MEOX2: variants seen among roughly 807,000 people sequenced by gnomAD.
MEOX2 encodes the protein mesenchyme homeobox 2.
In MEOX2, 11 loss-of-function variants were observed where a neutral mutation model predicts 27.0. The observed-to-expected ratio is 0.41, with a 90% CI of 0.26 to 0.68. The LOEUF (loss-of-function observed/expected upper bound fraction) is 0.68. Among genes scored for constraint, MEOX2 ranks in the 30% least tolerant of loss-of-function variants. MEOX2 has a pLI of 0.33. For synonymous variants in MEOX2, 189 were observed against 155.4 expected (o/e 1.22, Z -1.61); for missense variants, 436 against 385.4 (o/e 1.13, Z -1.10).
intron 1 of MEOX2, among the ~76,000 whole-genome samples, chr7:15,685,519 A>C (rs1782364921): frequency 6.6e-6 from 1 of 152,214 alleles, no homozygotes; most frequent in Non-Finnish European, 1.5e-5. Flanking sequence ...ACCCGCACGC[A>C]CGCCTGCCCA....
At chr7:15,653,541 CA>C (rs1412898448) in intron 1 of MEOX2, among the ~76,000 whole-genome samples, 1 of 151,950 alleles carries the variant, frequency 6.6e-6, no homozygotes, top group African/African-American at 2.4e-5. Flanking sequence ...TCAAGTCTAA[CA>C]ACTCTTCACC....
At chr7:15,666,745 C>G in intron 1 of MEOX2, among the ~76,000 whole-genome samples, 1 of 71,072 alleles carries the variant, frequency 1.4e-5, no homozygotes, top group Non-Finnish European at 2.4e-5. Context: ...GAGCAAGACT[C>G]TGTCTCAAAA....
intron 1 of MEOX2, chr7:15,677,396 G>A (rs981828857): frequency 5.9e-5 from 9 of 152,170 alleles, no homozygotes; most frequent in Admixed American, 2.0e-4. Context: ...ACACAGCGGG[G>A]GTTTAGCCCT....
intron 1 of MEOX2, among the ~76,000 whole-genome samples, chr7:15,633,405 T>C (rs1261853160): frequency 6.6e-6 from 1 of 151,854 alleles, no homozygotes; most frequent in African/African-American, 2.4e-5. Flanking sequence ...CAATAGTAAC[T>C]TGGCAAAGGC....
At position 15,612,190 on chromosome 7, in the gene MEOX2, T is replaced by C; in HGVS notation, c.*197A>G. Reference sequence around the variant, plus strand: ...ATTCAAAGCAAGTTCACCTTCTCCATCTTCACTGTGGAAGCTCTTTAATAA... The same window carrying C: ...ATTCAAAGCAAGTTCACCTTCTCCACCTTCACTGTGGAAGCTCTTTAATAA... On this transcript the variant is annotated 3_prime_UTR_variant, in exon 3 of 3. Coordinates refer to ENST00000262041, the MANE Select transcript of MEOX2 (RefSeq NM_005924.5). The C allele has an allele frequency of 1.7e-6, 1 of 596,844 alleles. No individual in the cohort carries two copies. The highest frequency in any genetic ancestry group is 3.0e-6 in the Non-Finnish European group (1 of 336,686). 37.0% of individuals were successfully genotyped at this position (596,844 alleles called of 1,614,324 possible). A position where few individuals can be genotyped will look rare whatever the true frequency, so the allele number is the denominator to read the frequency against.
chr7:15,661,159 G>T (rs1781910940), intron 1 of MEOX2, among the ~76,000 whole-genome samples: 1 of 151,768 alleles, frequency 6.6e-6, no homozygotes, highest in Non-Finnish European at 1.5e-5. Context: ...TTAAACAGTT[G>T]CCCAGAATGT....
chr7:15,680,528 T>C (rs1782276335), intron 1 of MEOX2: 1 of 151,950 alleles, frequency 6.6e-6, no homozygotes, highest in Non-Finnish European at 1.5e-5. Context: ...TGACTGTGAT[T>C]TAGGAGTAAT....
chr7:15,616,678 ATTT>A (rs1433904482), intron 2 of MEOX2, among the ~76,000 whole-genome samples: 1 of 151,952 alleles, frequency 6.6e-6, no homozygotes, highest in African/African-American at 2.4e-5. Flanking sequence ...TATTTGAATT[ATTT>A]TTATTTAAAT....
chr7:15,666,632 G>C (rs928156057), intron 1 of MEOX2, among the ~76,000 whole-genome samples: 5 of 150,772 alleles, frequency 3.3e-5, no homozygotes, highest in African/African-American at 1.2e-4. Context: ...TGTGCCTATA[G>C]TCCCAGCTAT....
chr7:15,661,012 CAA>C (rs71004402), intron 1 of MEOX2, among the ~76,000 whole-genome samples: 529 of 44,196 alleles, frequency 0.012, no homozygotes, highest in African/African-American at 0.043. Flanking sequence ...GACTCAGTCT[CAA>C]AAAAAAAAAA....
rs76337622 is a variant in MEOX2, at chr7:15,637,074, A to C, written c.518-10156T>G. Among the ~76,000 whole-genome samples the C allele has an allele frequency of 6.2e-3, 945 of 152,182 alleles. 14 individuals are homozygous for C. The highest frequency in any genetic ancestry group is 0.021 in the African/African-American group (885 of 41,532). ...TTATGATATTTTAGAGACTAACTTT[A>C]ATATTCTGTTGGGTAAATTATACTA... On this transcript the variant is annotated intron_variant, in intron 1 of 2. Coordinates refer to ENST00000262041, the MANE Select transcript of MEOX2 (RefSeq NM_005924.5).
intron 2 of MEOX2, among the ~76,000 whole-genome samples, chr7:15,614,077 T>A: frequency 6.6e-6 from 1 of 151,626 alleles, no homozygotes. Context: ...ACTAGTGTTT[T>A]GTGTTTTCTT....
intron 2 of MEOX2, among the ~76,000 whole-genome samples, chr7:15,626,392 T>G (rs6962943): frequency 0.67 from 101,904 of 151,790 alleles, 34,456 homozygotes; most frequent in East Asian, 0.81. Context: ...CTAATCTGGG[T>G]TTACCAACTT....
intron 1 of MEOX2, among the ~76,000 whole-genome samples, chr7:15,650,075 G>C (rs1781712403): frequency 6.6e-6 from 1 of 152,080 alleles, no homozygotes; most frequent in Admixed American, 6.6e-5. Flanking sequence ...GATCTCAGGA[G>C]AGTTCTCACC....
chr7:15,634,560 A>G (rs1781453307), intron 1 of MEOX2, among the ~76,000 whole-genome samples: 2 of 152,000 alleles, frequency 1.3e-5, no homozygotes, highest in Non-Finnish European at 2.9e-5. Flanking sequence ...AAATCTGGCA[A>G]TCCTAAATTG....
rs776527799 is a variant in MEOX2, at chr7:15,656,976, G to C, written c.517+28910C>G. ...TTTTCTGAGTACCAAATCCTGAGTT[G>C]ACTGTTCTTTTCTTTCTGCACTTGG... On this transcript the variant is annotated intron_variant, in intron 1 of 2. Coordinates refer to ENST00000262041, the MANE Select transcript of MEOX2 (RefSeq NM_005924.5). 3.9e-5 allele frequency among the ~76,000 whole-genome samples: 6 copies of C among 151,968 alleles called. 1 individual carries two copies. The South Asian group carries it at 6.2e-4, about 16-fold the overall frequency.
At chr7:15,667,148 G>T (rs1416517155) in intron 1 of MEOX2, among the ~76,000 whole-genome samples, 1 of 151,294 alleles carries the variant, frequency 6.6e-6, no homozygotes, top group East Asian at 2.0e-4. Flanking sequence ...AAAATTAGCT[G>T]GGTGTGGTGG....
intron 1 of MEOX2, chr7:15,668,012 A>G (rs1208109467): frequency 6.6e-6 from 1 of 152,166 alleles, no homozygotes; most frequent in Non-Finnish European, 1.5e-5. Flanking sequence ...TAAATTTCTT[A>G]TTGGTTTAAT....
intron 1 of MEOX2, among the ~76,000 whole-genome samples, chr7:15,648,096 A>T (rs1562604917): frequency 6.6e-6 from 1 of 152,104 alleles, no homozygotes; most frequent in African/African-American, 2.4e-5. Context: ...GTCCTTAATG[A>T]CATATATTTT....
Sources: allele counts gnomAD v4.1 joint callset (sites outside exome capture counted in the v4.1 genomes callset), GRCh38; gene constraint gnomAD v4.1.1; transcripts MANE v1.5; gene names NCBI Gene and HGNC (gene_info 2026-07-23, HGNC 2026-07-21).